CDH18: variants seen among roughly 807,000 people sequenced by gnomAD.
The protein encoded by CDH18 is cadherin 18.
Under a neutral mutation model 67.9 loss-of-function variants are expected in CDH18, and 31 were observed. The observed-to-expected ratio is 0.46, with a 90% CI of 0.34 to 0.62. The LOEUF (loss-of-function observed/expected upper bound fraction) is 0.62, where lower values mean the gene tolerates loss of function less well. Ranked by LOEUF, CDH18 falls within the 20% of genes least tolerant of loss-of-function variation. The pLI, the probability that CDH18 is intolerant of heterozygous loss-of-function variation, is 0.01. For synonymous variants in CDH18, 362 were observed against 347.2 expected (o/e 1.04, Z -0.48); for missense variants, 890 against 975.5 (o/e 0.91, Z 1.17).
Position 20,119,535 on chromosome 5 carries a change from A to C in CDH18, c.-517-127521T>G, listed in dbSNP as rs546410042. Among the ~76,000 whole-genome samples, 3 of 152,310 alleles carry C rather than the reference A, an allele frequency of 2.0e-5. No homozygotes were observed. In the South Asian group the frequency reaches 6.2e-4, roughly 32 times the overall value. On this transcript the variant is annotated intron_variant, in intron 2 of 14. Transcript: ENST00000507958. The stretch of plus-strand genomic sequence containing the variant: ...CAGATAAATTAATAAAAGAGTAGAA[A>C]ATCTGAGAGAAAATATGATAACAGT...
chr5:19,564,008 A>G (rs1165506964), intron 8 of CDH18, among the ~76,000 whole-genome samples: 1 of 152,212 alleles, frequency 6.6e-6, no homozygotes, highest in African/African-American at 2.4e-5. Context: ...CACATCCTGC[A>G]ACCTATGGAG....
intron 10 of CDH18, among the ~76,000 whole-genome samples, chr5:19,516,077 C>G (rs766048159): frequency 1.3e-5 from 2 of 151,770 alleles, no homozygotes; most frequent in Admixed American, 1.3e-4. Context: ...TGAATTTTGT[C>G]AAAGGCCTTT....
At chr5:20,319,332 A>G (rs898040647) in intron 1 of CDH18, among the ~76,000 whole-genome samples, 4 of 151,974 alleles carry the variant, frequency 2.6e-5, no homozygotes, top group African/African-American at 9.7e-5. Context: ...TTCCAAATAT[A>G]TTTGCTTGTT....
chr5:19,946,884 C>T lies in CDH18; in HGVS notation c.-257+34176G>A, dbSNP rs979194961. On this transcript the variant is annotated intron_variant, in intron 2 of 12. Transcript: ENST00000382275. Reference sequence around the variant, plus strand: ...TTAATTCAGCAACGTATAAAATTTACATCGGTCAAGTGGGGTTTATTCAAG... The same window carrying T: ...TTAATTCAGCAACGTATAAAATTTATATCGGTCAAGTGGGGTTTATTCAAG... Among the ~76,000 whole-genome samples, 10 of 152,126 alleles carry T rather than the reference C, an allele frequency of 6.6e-5. No individual in the cohort carries two copies. The South Asian group carries it at 1.9e-3, about 28-fold the overall frequency.
intron 8 of CDH18, among the ~76,000 whole-genome samples, chr5:19,549,612 TAAAG>T (rs983073293): frequency 1.6e-5 from 1 of 61,862 alleles, no homozygotes; most frequent in African/African-American, 6.8e-5. Context: ...AAGAAGAAAA[TAAAG>T]AAAGAAGGAA....
chr5:20,416,524 A>G (rs1248412438), intron 1 of CDH18, among the ~76,000 whole-genome samples: 1 of 152,156 alleles, frequency 6.6e-6, no homozygotes, highest in African/African-American at 2.4e-5. Flanking sequence ...GATACCACTT[A>G]TGGAAATCAG....
At chr5:19,624,127 T>C (rs10941390) in intron 5 of CDH18, among the ~76,000 whole-genome samples, 106,583 of 151,270 alleles carry the variant, frequency 0.7, 38,342 homozygotes, top group South Asian at 0.8. Context: ...CCTGTCTCAG[T>C]CTCCCGAGTA....
chr5:19,783,289 A>G (rs1174164855), intron 3 of CDH18, among the ~76,000 whole-genome samples: 1 of 152,158 alleles, frequency 6.6e-6, no homozygotes, highest in Admixed American at 6.5e-5. Context: ...AATAAGGTAC[A>G]ATTAGATAAG....
intron 2 of CDH18, chr5:19,886,077 A>C (rs1788160900): frequency 6.6e-6 from 1 of 152,204 alleles, no homozygotes; most frequent in African/African-American, 2.4e-5. Flanking sequence ...TTAAAGCAAA[A>C]AAGTAAAACA....
intron 9 of CDH18, among the ~76,000 whole-genome samples, chr5:19,533,478 CAG>C (rs1298121589): frequency 6.6e-6 from 1 of 152,054 alleles, no homozygotes; most frequent in East Asian, 1.9e-4. Flanking sequence ...AATGAGATAA[CAG>C]AGATGTATTT....
At chr5:20,213,240 G>A (rs1477777338) in intron 2 of CDH18, among the ~76,000 whole-genome samples, 2 of 152,140 alleles carry the variant, frequency 1.3e-5, no homozygotes, top group Non-Finnish European at 2.9e-5. Context: ...AAAATTGTAG[G>A]TTGGTGGAAT....
intron 8 of CDH18, among the ~76,000 whole-genome samples, chr5:19,562,179 AG>A (rs1739571597): frequency 6.6e-6 from 1 of 152,316 alleles, no homozygotes; most frequent in East Asian, 1.9e-4. Context: ...TCTATGAAAA[AG>A]GTTCTTGTAT....
At chr5:20,098,364 C>T (rs190698043) in intron 2 of CDH18, among the ~76,000 whole-genome samples, 2 of 152,092 alleles carry the variant, frequency 1.3e-5, no homozygotes, top group Non-Finnish European at 2.9e-5. Flanking sequence ...TATATAGACA[C>T]TGTGTAATAA....
chr5:19,921,379 T>C (rs961900840), intron 2 of CDH18, among the ~76,000 whole-genome samples: 1 of 151,310 alleles, frequency 6.6e-6, no homozygotes, highest in Non-Finnish European at 1.5e-5. Flanking sequence ...AAAATACAAA[T>C]AATTAGCCAG....
chr5:19,963,890 T>G (rs10040762), intron 2 of CDH18, among the ~76,000 whole-genome samples: 85,761 of 151,792 alleles, frequency 0.56, 24,434 homozygotes, highest in Middle Eastern at 0.72. Context: ...TCAAAAGAGA[T>G]AAAAGAGCAA....
chr5:20,113,095 A>G (rs1747616440), intron 2 of CDH18, among the ~76,000 whole-genome samples: 1 of 152,208 alleles, frequency 6.6e-6, no homozygotes, highest in Admixed American at 6.5e-5. Flanking sequence ...CACAAATGCT[A>G]CTAATAGGCA....
At chr5:19,837,037 A>C (rs1025911908) in intron 3 of CDH18, among the ~76,000 whole-genome samples, 1 of 152,192 alleles carries the variant, frequency 6.6e-6, no homozygotes, top group Non-Finnish European at 1.5e-5. Flanking sequence ...AAACTGGATA[A>C]ATAAAATGTG....
At chr5:19,610,574 T>G (rs1245180178) in intron 6 of CDH18, among the ~76,000 whole-genome samples, 1 of 152,096 alleles carries the variant, frequency 6.6e-6, no homozygotes, top group African/African-American at 2.4e-5. Context: ...ACCTGAGTTT[T>G]CTGTCTATTA....
chr5:20,241,091 A>G (rs1296278271), intron 2 of CDH18, among the ~76,000 whole-genome samples: 2 of 152,212 alleles, frequency 1.3e-5, no homozygotes, highest in African/African-American at 4.8e-5. Context: ...AAAACATTGT[A>G]TTTACAGTCT....
Sources: allele counts gnomAD v4.1 joint callset (sites outside exome capture counted in the v4.1 genomes callset), GRCh38; gene constraint gnomAD v4.1.1; transcripts MANE v1.5; gene names NCBI Gene and HGNC (gene_info 2026-07-23, HGNC 2026-07-21).